EDIL3: variants seen among roughly 807,000 people sequenced by gnomAD.
EDIL3 encodes EGF-like repeat and discoidin I-like domain-containing protein 3.
Under a neutral mutation model 67.4 loss-of-function variants are expected in EDIL3, and 37 were observed. The observed-to-expected ratio is 0.55, with a 90% CI of 0.42 to 0.72. EDIL3 has a LOEUF of 0.72. EDIL3 is among the 30% of genes least tolerant of loss of function. The pLI, the probability that EDIL3 is intolerant of heterozygous loss-of-function variation, is 0.00. For synonymous variants in EDIL3, 195 were observed against 196.3 expected, an observed-to-expected ratio of 0.99 and a Z score of 0.05; for missense variants, 527 against 586.3, an observed-to-expected ratio of 0.90 and a Z score of 1.04.
At chr5:83,961,393 T>A (rs565077220) in intron 10 of EDIL3, among the ~76,000 whole-genome samples, 19 of 151,338 alleles carry the variant, frequency 1.3e-4, no homozygotes, top group African/African-American at 4.3e-4. Flanking sequence ...AAGTTTCAGA[T>A]TGAGATAATG....
chr5:83,999,667 C>A (rs1745291619), intron 9 of EDIL3, among the ~76,000 whole-genome samples: 1 of 151,794 alleles, frequency 6.6e-6, no homozygotes, highest in African/African-American at 2.4e-5. Flanking sequence ...CTCAAAGTGG[C>A]CAATCTAAGG....
intron 1 of EDIL3, among the ~76,000 whole-genome samples, chr5:84,262,658 G>GTTTTTTTTTTTT (rs1561238679): frequency 2.8e-5 from 1 of 35,478 alleles, no homozygotes; most frequent in Non-Finnish European, 6.0e-5. Flanking sequence ...AAGGTTGGTT[G>GTTTTTTTTTTTT]GTTTTTTTTT....
chr5:83,944,725 G>C (rs1351508067), intron 10 of EDIL3, among the ~76,000 whole-genome samples: 1 of 151,734 alleles, frequency 6.6e-6, no homozygotes, highest in Non-Finnish European at 1.5e-5. Context: ...AATTTTTAGA[G>C]TAAAAATCTC....
intron 8 of EDIL3, among the ~76,000 whole-genome samples, chr5:84,063,143 G>A (rs146556039): frequency 5.3e-4 from 81 of 152,214 alleles, no homozygotes; most frequent in African/African-American, 1.6e-3. Context: ...GGGTGTAACC[G>A]TGCCATGTGT....
chr5:84,175,930 G>A lies in EDIL3; in HGVS notation c.355+4463C>T, dbSNP rs139766993. 9.2e-5 allele frequency among the ~76,000 whole-genome samples: 14 copies of A among 152,014 alleles called. No individual in the cohort carries two copies. In the East Asian group the frequency reaches 1.9e-3, roughly 21 times the overall value. On this transcript the variant is annotated intron_variant, in intron 4 of 10. Coordinates refer to ENST00000296591, the MANE Select transcript of EDIL3 (RefSeq NM_005711.5). Reference sequence around the variant, plus strand: ...AAGTGTAACATAGAAGACAAAGCACGTAATTGCCAAATATGTGATTAATGC... The same window carrying A: ...AAGTGTAACATAGAAGACAAAGCACATAATTGCCAAATATGTGATTAATGC...
At chr5:83,971,578 G>C (rs1040429592) in intron 9 of EDIL3, among the ~76,000 whole-genome samples, 2 of 151,778 alleles carry the variant, frequency 1.3e-5, no homozygotes, top group African/African-American at 4.8e-5. Context: ...TTTATCCGTA[G>C]AATATTTCCC....
At chr5:84,159,215 A>G (rs1377599218) in intron 4 of EDIL3, among the ~76,000 whole-genome samples, 1 of 152,076 alleles carries the variant, frequency 6.6e-6, no homozygotes, top group Non-Finnish European at 1.5e-5. Flanking sequence ...TATCTATTAT[A>G]AATAAACAGT....
At chr5:84,144,876 G>A (rs1748266328) in intron 4 of EDIL3, among the ~76,000 whole-genome samples, 1 of 152,038 alleles carries the variant, frequency 6.6e-6, no homozygotes. Flanking sequence ...CCATTTTGGA[G>A]TTTTTCCTAT....
intron 9 of EDIL3, among the ~76,000 whole-genome samples, chr5:84,014,311 A>T (rs557053453): frequency 1.1e-3 from 164 of 152,330 alleles, no homozygotes; most frequent in African/African-American, 3.6e-3. Flanking sequence ...GTAGCATGGA[A>T]GTGTTGTATC....
In EDIL3 at chr5:84,026,784, C is replaced by T. The variant is rs78931754; in HGVS notation, c.1137+33516G>A. ...ACTAAGTTCTTAAACAGAAAAACCA[C>T]GCCTTATCTTCATTAGGCTCAAAAT... is the stretch of plus-strand genomic sequence containing the variant. On this transcript the variant is annotated intron_variant, in intron 9 of 10. Transcript: ENST00000296591. 9.0e-3 allele frequency among the ~76,000 whole-genome samples: 1,366 copies of T among 152,224 alleles called. 27 individuals carry two copies. The highest frequency in any genetic ancestry group is 0.031 in the African/African-American group (1,271 of 41,536).
At chr5:84,115,197 A>G (rs1335838256) in intron 5 of EDIL3, among the ~76,000 whole-genome samples, 6 of 152,198 alleles carry the variant, frequency 3.9e-5, no homozygotes, top group Non-Finnish European at 7.3e-5. Context: ...TTAAAAATAT[A>G]TAAGAATCAG....
intron 6 of EDIL3, among the ~76,000 whole-genome samples, chr5:84,067,605 T>C (rs2112242583): frequency 6.6e-6 from 1 of 152,226 alleles, no homozygotes; most frequent in East Asian, 1.9e-4. Context: ...CCAAAGAAAA[T>C]CAGAAAATCT....
chr5:84,230,763 A>ATATGTGTGTGTG (rs754636367), intron 2 of EDIL3, among the ~76,000 whole-genome samples: 2 of 137,130 alleles, frequency 1.5e-5, no homozygotes, highest in Admixed American at 7.3e-5. Flanking sequence ...CCACTACGTG[A>ATATGTGTGTGTG]TGTGTGTGTG....
chr5:84,151,613 T>C (rs1748392678), intron 4 of EDIL3, among the ~76,000 whole-genome samples: 1 of 152,214 alleles, frequency 6.6e-6, no homozygotes, highest in African/African-American at 2.4e-5. Flanking sequence ...GAAAAATTAA[T>C]GTAACTGGAA....
chr5:84,114,675 T>C (rs1747632687), intron 5 of EDIL3, among the ~76,000 whole-genome samples: 1 of 152,196 alleles, frequency 6.6e-6, no homozygotes, highest in Non-Finnish European at 1.5e-5. Context: ...TTAAACTTAC[T>C]TGGATTCCAT....
chr5:84,263,868 C>T (rs892291082), intron 1 of EDIL3, among the ~76,000 whole-genome samples: 1 of 152,066 alleles, frequency 6.6e-6, no homozygotes, highest in Non-Finnish European at 1.5e-5. Flanking sequence ...GAATGAGCCT[C>T]GGAGTACATA....
chr5:84,065,552 A>G (rs1446376924), intron 7 of EDIL3, among the ~76,000 whole-genome samples: 3 of 124,954 alleles, frequency 2.4e-5, no homozygotes, highest in African/African-American at 7.9e-5. Context: ...GTCTGGTATA[A>G]TGCCTGATTA....
chr5:84,207,129 T>C (rs1162804114), intron 3 of EDIL3, among the ~76,000 whole-genome samples: 2 of 152,200 alleles, frequency 1.3e-5, no homozygotes, highest in African/African-American at 2.4e-5. Flanking sequence ...GATGACATGA[T>C]TGTATATCCA....
intron 5 of EDIL3, among the ~76,000 whole-genome samples, chr5:84,129,752 A>G (rs1176247531): frequency 6.6e-6 from 1 of 152,100 alleles, no homozygotes; most frequent in East Asian, 1.9e-4. Context: ...ACAAGTTAAA[A>G]TCTATTCTGA....
Sources: allele counts gnomAD v4.1 joint callset (sites outside exome capture counted in the v4.1 genomes callset), GRCh38; gene constraint gnomAD v4.1.1; transcripts MANE v1.5; gene names NCBI Gene and HGNC (gene_info 2026-07-23, HGNC 2026-07-21).